Variants in NCOR1 observed in about 807,000 individuals in gnomAD.
The protein encoded by NCOR1 is protein phosphatase 1, regulatory subunit 109.
A neutral mutation model predicts 288.1 loss-of-function variants in NCOR1; 63 were observed. The observed-to-expected ratio is 0.22, with a 90% CI of 0.18 to 0.27. The LOEUF is 0.27. Ranked by LOEUF, NCOR1 falls within the 10% of genes least tolerant of loss-of-function variation. The pLI is 1.00. For missense variants in NCOR1, 2,397 were observed against 3,019.2 expected (o/e 0.79, Z 4.83); for synonymous variants, 1,007 against 1,065.9 (o/e 0.94, Z 1.08).
intron 41 of NCOR1, 100 bp from the exon 42 acceptor site, chr17:16,047,193 C>A: frequency 8.2e-7 from 1 of 1,226,642 alleles, no homozygotes; most frequent in Non-Finnish European, 1.1e-6. Context: ...TAGAAAACTA[C>A]TGCCTCCTCA....
chr17:16,179,149 A>G (rs918265210), intron 3 of NCOR1, among the ~76,000 whole-genome samples: 25 of 152,262 alleles, frequency 1.6e-4, no homozygotes, highest in African/African-American at 5.8e-4. Flanking sequence ...CTTAAAACCT[A>G]AACAGTGAGC....
At chr17:16,037,373 T>C (rs548005988) in intron 44 of NCOR1, among the ~76,000 whole-genome samples, 6 of 151,996 alleles carry the variant, frequency 3.9e-5, no homozygotes, top group Non-Finnish European at 5.9e-5. Context: ...ATAATGCTGA[T>C]AGACTTGCTT....
intron 36 of NCOR1, 89 bp downstream of exon 36, chr17:16,062,016 G>A: frequency 6.3e-7 from 1 of 1,577,086 alleles, no homozygotes; most frequent in Non-Finnish European, 8.6e-7. Context: ...GGGCAGAAAA[G>A]CATGACTATA....
chr17:16,205,420 C>G (rs1443577390), intron 1 of NCOR1, among the ~76,000 whole-genome samples: 2 of 150,936 alleles, frequency 1.3e-5, no homozygotes, highest in Non-Finnish European at 3.0e-5. Context: ...GTCAGGAGTT[C>G]GAGACCAGCC....
intron 14 of NCOR1, among the ~76,000 whole-genome samples, chr17:16,127,213 CTG>C (rs1171275538): frequency 1.7e-5 from 2 of 118,760 alleles, no homozygotes; most frequent in South Asian, 2.6e-4. Context: ...ATGTATATAT[CTG>C]TATGTATATA....
intron 3 of NCOR1, among the ~76,000 whole-genome samples, chr17:16,185,279 T>A (rs942211313): frequency 3.3e-5 from 5 of 151,036 alleles, no homozygotes; most frequent in Admixed American, 2.0e-4. Context: ...CAAAAATAAA[T>A]AACTTTGTGA....
intron 26 of NCOR1, among the ~76,000 whole-genome samples, chr17:16,078,185 G>A (rs1217205959): frequency 1.3e-5 from 2 of 152,144 alleles, no homozygotes; most frequent in African/African-American, 4.8e-5. Flanking sequence ...TGTAAAATAG[G>A]AGTTAGAGGC....
chr17:16,127,403 A>G (rs1338726427), intron 14 of NCOR1, among the ~76,000 whole-genome samples: 1 of 93,588 alleles, frequency 1.1e-5, no homozygotes, highest in African/African-American at 5.5e-5. Flanking sequence ...ACATGTGTAT[A>G]TGTGTATGTA....
At chr17:16,213,873 GCCTTTT>G (rs2092350437) in intron 1 of NCOR1, among the ~76,000 whole-genome samples, 1 of 152,150 alleles carries the variant, frequency 6.6e-6, no homozygotes, top group South Asian at 2.1e-4. Context: ...CATATGGCAA[GCCTTTT>G]GTAAAAGGAA....
intron 33 of NCOR1, among the ~76,000 whole-genome samples, 166 bp downstream of exon 33, chr17:16,065,319 T>C (rs895585090): frequency 2.6e-5 from 4 of 152,222 alleles, no homozygotes; most frequent in Non-Finnish European, 5.9e-5. Context: ...CCAAAACACC[T>C]TGTCTCAATG....
intron 19 of NCOR1, among the ~76,000 whole-genome samples, chr17:16,102,980 G>C (rs2067914984): frequency 6.6e-6 from 1 of 152,180 alleles, no homozygotes; most frequent in Non-Finnish European, 1.5e-5. Flanking sequence ...GAAGGCTGTA[G>C]AATACTATTT....
rs1236163980 is a variant in NCOR1, at chr17:16,126,196, C to T, written c.1520G>A (p.Arg507Gln). The T allele has an allele frequency of 3.3e-6, 5 of 1,512,534 alleles. No individual in the cohort carries two copies. Among genetic ancestry groups the T allele is most frequent in the African/African-American group, 1.4e-5 (1 of 70,000 alleles). The allele number at this position is 1,512,534 out of a possible 1,614,324, so 93.7% of individuals were successfully genotyped here. Residue 507 changes from arginine (R) to glutamine (Q), a missense_variant, in exon 15 of 46, where the codon CGA becomes CAA. Physicochemically the swap from Arg to Gln is conservative, Grantham distance 43. This residue lies in a region of NCOR1 where 113 missense variants were observed against 139.5 expected (regional missense o/e 0.81). Transcript: ENST00000268712. ...TTCTACTTTTTCTTCTTGCGAGGGT[C>T]GAGCAATTTGCTGCTAGAATGAACC... ...KRRGRNQQIA[R>Q]PSQEEKVEEK... is the part of the protein sequence containing the mutation.
At chr17:16,104,514 T>C (rs1290554532) in intron 19 of NCOR1, among the ~76,000 whole-genome samples, 1 of 152,184 alleles carries the variant, frequency 6.6e-6, no homozygotes, top group African/African-American at 2.4e-5. Flanking sequence ...CTCACGCCTA[T>C]AATCCCAGCA....
At chr17:16,146,663 T>C (rs2078038290) in intron 9 of NCOR1, 115 bp from the exon 10 acceptor site, 2 of 967,362 alleles carry the variant, frequency 2.1e-6, no homozygotes, top group African/African-American at 3.3e-5. Flanking sequence ...ACATTTGGCT[T>C]ATGACTCAAC....
At chr17:16,167,792 G>A (rs1404826324) in intron 4 of NCOR1, among the ~76,000 whole-genome samples, 7 of 149,176 alleles carry the variant, frequency 4.7e-5, no homozygotes, top group African/African-American at 7.4e-5. Flanking sequence ...CCCGGGAGGC[G>A]GAGGTTGCAG....
chr17:16,187,786 G>A (rs2086994757), intron 2 of NCOR1, among the ~76,000 whole-genome samples: 1 of 151,750 alleles, frequency 6.6e-6, no homozygotes, highest in African/African-American at 2.4e-5. Context: ...GCACGTCCCG[G>A]CTACTCTGTA....
At chr17:16,153,849 G>A (rs2079253987) in intron 6 of NCOR1, among the ~76,000 whole-genome samples, 1 of 151,964 alleles carries the variant, frequency 6.6e-6, no homozygotes, top group South Asian at 2.1e-4. Flanking sequence ...TTACTATGGT[G>A]AGCAACATTG....
chr17:16,188,223 T>C (rs2087161437), intron 2 of NCOR1, among the ~76,000 whole-genome samples: 1 of 152,180 alleles, frequency 6.6e-6, no homozygotes, highest in East Asian at 1.9e-4. Flanking sequence ...AGATAAGCCA[T>C]TGAGAGCCCT....
At chr17:16,156,242 C>A (rs536150796) in intron 6 of NCOR1, among the ~76,000 whole-genome samples, 5 of 151,924 alleles carry the variant, frequency 3.3e-5, no homozygotes, top group Non-Finnish European at 7.4e-5. Context: ...TCAAGACCAG[C>A]CTGGCCAACA....
Sources: gnomAD v4.1 joint callset for allele counts (sites outside exome capture counted in the v4.1 genomes callset) on GRCh38, gnomAD v4.1.1 for gene constraint, gnomAD v4.1.1 regional missense constraint, MANE v1.5 for transcripts, NCBI Gene and HGNC (gene_info 2026-07-23, HGNC 2026-07-21) for gene names.